Variants in TNKS2 observed in about 807,000 individuals in gnomAD.
TNKS2 encodes tankyrase 2.
TNKS2 carries 72 observed loss-of-function variants against 137.6 expected under a neutral mutation model. That is an observed-to-expected ratio of 0.52 (90% CI 0.43 to 0.64). TNKS2 has a LOEUF of 0.64. Among genes scored for constraint, TNKS2 ranks in the 30% least tolerant of loss-of-function variants. The pLI is 0.00. For synonymous variants in TNKS2, 516 were observed against 512.1 expected (o/e 1.01, Z -0.10); for missense variants, 1,049 against 1,410.2 (o/e 0.74, Z 4.10).
Position 91,813,102 on chromosome 10 carries a change from G to C in TNKS2, c.319G>C (p.Val107Leu), listed in dbSNP as rs1844561935. ...ATGCTCTTTTGGTCATGCTGAAGTA[G>C]TCAATCTCCTTTTGCGACATGGTGC... ...NACSFGHAEV[V>L]NLLLRHGADP... Residue 107 changes from valine to leucine, a missense_variant, in exon 2 of 27, where the codon GTC (valine) becomes CTC (leucine). By Grantham distance (32) the Val-to-Leu change is conservative. Around this residue, in one of 6 missense-constraint regions of TNKS2, gnomAD observed 374 missense variants for 460.8 expected, o/e 0.81. Coordinates refer to ENST00000371627, the MANE Select transcript of TNKS2 (RefSeq NM_025235.4). 6.2e-7 allele frequency: 1 copy of C among 1,614,158 alleles called. No homozygotes were observed. The highest frequency in any genetic ancestry group is 8.5e-7 in the Non-Finnish European group (1 of 1,180,036).
At chr10:91,815,589 AC>A (rs1454144517) in intron 2 of TNKS2, among the ~76,000 whole-genome samples, 1 of 152,144 alleles carries the variant, frequency 6.6e-6, no homozygotes, top group Non-Finnish European at 1.5e-5. Context: ...GAGACTTAGT[AC>A]AAAAAAAAAT....
At chr10:91,850,191 C>A (rs1842499777) in intron 20 of TNKS2, among the ~76,000 whole-genome samples, 1 of 149,162 alleles carries the variant, frequency 6.7e-6, no homozygotes, top group South Asian at 2.1e-4. Flanking sequence ...GATGGTGAAA[C>A]CCCCGTCTCT....
Position 91,864,754 on chromosome 10 carries a change from A to G in TNKS2, c.*1755A>G, listed in dbSNP as rs969977444. ...CTTGGAACACAAGTGGAGTATGCCA[A>G]ATTTTATATGAATTTTTCAGATTAT... On this transcript the variant is annotated 3_prime_UTR_variant, in exon 27 of 27. Coordinates refer to ENST00000371627, the MANE Select transcript of TNKS2 (RefSeq NM_025235.4). 4 of 152,732 alleles carry G rather than the reference A, an allele frequency of 2.6e-5. No individual in the cohort carries two copies. The highest frequency in any genetic ancestry group is 4.4e-5 in the Non-Finnish European group (3 of 68,032). The allele number at this position is 152,732 out of a possible 1,614,324, so 9.5% of individuals were successfully genotyped here. A position where few individuals can be genotyped will look rare whatever the true frequency, so the allele number is the denominator to read the frequency against.
intron 7 of TNKS2, among the ~76,000 whole-genome samples, chr10:91,826,270 A>G (rs1845067716): frequency 6.6e-6 from 1 of 152,210 alleles, no homozygotes; most frequent in Non-Finnish European, 1.5e-5. Context: ...TTGTGTCGTC[A>G]TGTCGGTATT....
At chr10:91,833,701 C>T (rs992499825) in intron 11 of TNKS2, 152 bp from the exon 12 acceptor site, 1 of 595,484 alleles carries the variant, frequency 1.7e-6, no homozygotes, top group Non-Finnish European at 2.6e-6. Flanking sequence ...AATTTATTCT[C>T]TAGATTTGAG....
chr10:91,823,516 A>G (rs1292792587), intron 7 of TNKS2, among the ~76,000 whole-genome samples: 2 of 151,642 alleles, frequency 1.3e-5, no homozygotes, highest in African/African-American at 2.4e-5. Context: ...TAGTAGATAC[A>G]GAGTTTCACC....
At chr10:91,819,362 T>C in intron 4 of TNKS2, 56 bp downstream of exon 4, 2 of 556,072 alleles carry the variant, frequency 3.6e-6, no homozygotes, top group Non-Finnish European at 2.5e-6. Flanking sequence ...AACTTTTTCT[T>C]TTTTTTTTTT....
intron 12 of TNKS2, among the ~76,000 whole-genome samples, chr10:91,834,937 T>C (rs1380628527): frequency 6.6e-6 from 1 of 152,214 alleles, no homozygotes; most frequent in East Asian, 1.9e-4. Flanking sequence ...TTACAATAAA[T>C]TATTGAAGTG....
intron 1 of TNKS2, 81 bp downstream of exon 1, chr10:91,798,970 C>T (rs761746104): frequency 5.4e-5 from 69 of 1,268,390 alleles, no homozygotes; most frequent in Admixed American, 4.6e-4. Context: ...ACCAGTGCTC[C>T]TCCGCCTCCC....
rs765334383 is a variant in TNKS2, at chr10:91,834,017, C to T, written c.1440C>T (p.Leu480=). ...LQMGNENVQQ[L]LQEGISLGNS... is the part of the protein sequence containing the mutation. Reference sequence around the variant, plus strand: ...TGGGAAATGAAAATGTACAGCAACTCCTCCAAGGTATTACATGCTTCAATG... The same window carrying T: ...TGGGAAATGAAAATGTACAGCAACTTCTCCAAGGTATTACATGCTTCAATG... Residue 480 remains leucine, a synonymous_variant, in exon 12 of 27, where the codon CTC becomes CTT. Transcript: ENST00000371627. The T allele has an allele frequency of 1.9e-6, 3 of 1,593,276 alleles. No homozygotes were observed. Among genetic ancestry groups the T allele is most frequent in the East Asian group, 2.2e-5 (1 of 44,662 alleles).
chr10:91,809,323 C>T (rs752120154), intron 1 of TNKS2, among the ~76,000 whole-genome samples: 1 of 152,214 alleles, frequency 6.6e-6, no homozygotes, highest in Non-Finnish European at 1.5e-5. Context: ...ATGGTGTTCA[C>T]ATGAACCATG....
At chr10:91,803,322 G>C (rs1844231798) in intron 1 of TNKS2, among the ~76,000 whole-genome samples, 1 of 152,102 alleles carries the variant, frequency 6.6e-6, no homozygotes, top group African/African-American at 2.4e-5. Context: ...AGACCAGCCT[G>C]GGCAACAATG....
chr10:91,857,342 A>C, intron 23 of TNKS2, 83 bp from the exon 24 acceptor site: 7 of 830,148 alleles, frequency 8.4e-6, no homozygotes, highest in Middle Eastern at 2.4e-4. Flanking sequence ...CTTCTAGCTA[A>C]ATGTATGTCC....
chr10:91,844,999 A>G lies in TNKS2; in HGVS notation c.2140A>G (p.Ile714Val), dbSNP rs1333382954. The change falls in exon 17 of 27, where the codon ATT (isoleucine) becomes GTT (valine). Residue 714 changes from isoleucine to valine, a missense_variant. Around this residue, in one of 6 missense-constraint regions of TNKS2, gnomAD observed 328 missense variants for 436.0 expected, o/e 0.75. Coordinates refer to ENST00000371627, the MANE Select transcript of TNKS2 (RefSeq NM_025235.4). ...DVNAQDKGGL[I>V]PLHNAASYGH... Reference sequence around the variant, plus strand: ...GAATGCCCAAGACAAAGGAGGACTTATTCCTTTACATAATGCAGCATCTTA... The same window carrying G: ...GAATGCCCAAGACAAAGGAGGACTTGTTCCTTTACATAATGCAGCATCTTA... 33 of 1,611,938 alleles carry G rather than the reference A, an allele frequency of 2.0e-5. No homozygotes were observed. Among genetic ancestry groups the G allele is most frequent in the Non-Finnish European group, 2.7e-5 (32 of 1,178,334 alleles).
At chr10:91,807,403 C>T (rs969803011) in intron 1 of TNKS2, 162 of 1,613,962 alleles carry the variant, frequency 1.0e-4, no homozygotes, top group Middle Eastern at 3.3e-4. Flanking sequence ...TTCTCGGCAG[C>T]GCGGCTGAAC....
At chr10:91,844,896 A>ATTTTAC (rs772792018) in intron 16 of TNKS2, 23 bp from the exon 17 acceptor site, 2 of 1,547,112 alleles carry the variant, frequency 1.3e-6, no homozygotes, top group Non-Finnish European at 1.8e-6. Flanking sequence ...AAGTAAAGTA[A>ATTTTAC]TTTTACTTCT....
At chr10:91,839,013 G>A (rs1280733037) in intron 13 of TNKS2, among the ~76,000 whole-genome samples, 4 of 151,932 alleles carry the variant, frequency 2.6e-5, no homozygotes, top group African/African-American at 4.8e-5. Flanking sequence ...CATTACAGGC[G>A]CCCGCCACCA....
At chr10:91,851,388 A>G (rs1346970526) in intron 21 of TNKS2, 52 bp downstream of exon 21, 9 of 1,581,244 alleles carry the variant, frequency 5.7e-6, no homozygotes, top group Non-Finnish European at 6.0e-6. Context: ...GCATAAAGGC[A>G]ACCCTCAGTG....
intron 6 of TNKS2, among the ~76,000 whole-genome samples, chr10:91,821,077 G>A (rs561974963): frequency 4.6e-5 from 7 of 151,878 alleles, no homozygotes; most frequent in Middle Eastern, 3.4e-3. Flanking sequence ...TTGCTCTGTC[G>A]CCCAGGCTGG....
Sources: allele counts gnomAD v4.1 joint callset (sites outside exome capture counted in the v4.1 genomes callset), GRCh38; gene constraint gnomAD v4.1.1; regional missense constraint gnomAD v4.1.1; transcripts MANE v1.5; gene names NCBI Gene and HGNC (gene_info 2026-07-23, HGNC 2026-07-21).